ACVR2A: variants seen among roughly 807,000 people sequenced by gnomAD.
ACVR2A encodes the protein activin A receptor type 2A.
ACVR2A carries 7 observed loss-of-function variants against 61.4 expected under a neutral mutation model. The observed-to-expected ratio is 0.11, with a 90% CI of 0.06 to 0.21. The LOEUF (loss-of-function observed/expected upper bound fraction) is 0.21. ACVR2A is among the 10% of genes least tolerant of loss of function. The probability of loss-of-function intolerance (pLI) is 1.00; values close to 1 mark genes in which losing one functional copy is unlikely to be tolerated. For missense variants in ACVR2A, 322 were observed against 621.7 expected, an observed-to-expected ratio of 0.52 and a Z score of 5.13; for synonymous variants, 193 against 208.3, an observed-to-expected ratio of 0.93 and a Z score of 0.63.
intron 1 of ACVR2A, among the ~76,000 whole-genome samples, chr2:147,885,881 A>T (rs1327739816): frequency 6.6e-6 from 1 of 152,164 alleles, no homozygotes; most frequent in Admixed American, 6.5e-5. Context: ...TATATTTCAA[A>T]TTGGTAAAAA....
intron 2 of ACVR2A, 138 bp downstream of exon 2, chr2:147,896,646 T>G (rs1382408470): frequency 2.4e-5 from 17 of 711,434 alleles, no homozygotes; most frequent in Non-Finnish European, 4.0e-5. Flanking sequence ...TAAAGAACAT[T>G]ATAACATGCT....
chr2:147,920,665 A>G (rs940758320), intron 8 of ACVR2A, among the ~76,000 whole-genome samples: 1 of 152,196 alleles, frequency 6.6e-6, no homozygotes, highest in African/African-American at 2.4e-5. Flanking sequence ...TTAGTCTGTT[A>G]GTTCTTTCAC....
chr2:147,917,251 G>A, intron 5 of ACVR2A, 32 bp from the exon 6 acceptor site: 1 of 1,602,622 alleles, frequency 6.2e-7, no homozygotes, highest in South Asian at 1.1e-5. Flanking sequence ...TGTATTCCTT[G>A]TGTTCTTACT....
At chr2:147,886,163 A>G (rs1358927456) in intron 1 of ACVR2A, among the ~76,000 whole-genome samples, 1 of 152,162 alleles carries the variant, frequency 6.6e-6, no homozygotes. Context: ...AAAAAACTAT[A>G]CTGTAAGATG....
intron 8 of ACVR2A, among the ~76,000 whole-genome samples, chr2:147,922,552 T>C (rs998909639): frequency 1.3e-5 from 2 of 152,138 alleles, no homozygotes; most frequent in Non-Finnish European, 2.9e-5. Flanking sequence ...TTTGTACAGA[T>C]AGAACTTTTT....
In ACVR2A at chr2:147,928,881, G is replaced by A. The variant is rs559722189; in HGVS notation, c.*1607G>A. 3 of 152,346 alleles carry A rather than the reference G, an allele frequency of 2.0e-5. No individual in the cohort carries two copies. The highest frequency in any genetic ancestry group is 4.4e-5 in the Non-Finnish European group (3 of 67,932). The allele number at this position is 152,346 out of a possible 1,614,324, so 9.4% of individuals were successfully genotyped here. On this transcript the variant is annotated 3_prime_UTR_variant, in exon 11 of 11. Coordinates refer to ENST00000241416, the MANE Select transcript of ACVR2A (RefSeq NM_001616.5). ...CAACAAATAGCCAGTATTATGCTGT[G>A]TATTTCTGTCAGGTCATTTTAAAAT...
chr2:147,889,702 G>T (rs1441490542), intron 1 of ACVR2A, among the ~76,000 whole-genome samples: 1 of 151,910 alleles, frequency 6.6e-6, no homozygotes, highest in East Asian at 1.9e-4. Context: ...AGCCGAGATC[G>T]CACCATTGCA....
intron 1 of ACVR2A, among the ~76,000 whole-genome samples, chr2:147,885,895 A>T (rs185962460): frequency 1.3e-4 from 20 of 152,216 alleles, no homozygotes; most frequent in African/African-American, 4.3e-4. Flanking sequence ...GTAAAAATTT[A>T]AAAAAAGAAC....
chr2:147,890,472 A>G (rs1686555563), intron 1 of ACVR2A, among the ~76,000 whole-genome samples: 1 of 152,038 alleles, frequency 6.6e-6, no homozygotes. Context: ...TCAGCTCCCC[A>G]TTCCCAGGAC....
Position 147,928,287 on chromosome 2 carries a change from T to C in ACVR2A, c.*1013T>C, listed in dbSNP as rs986875162. ...TTATCTTTTAAAATAGAGTTTTTTC[T>C]ATTTATATATGTAAAATTGTAGTGT... On this transcript the variant is annotated 3_prime_UTR_variant, in exon 11 of 11. Transcript: ENST00000241416. The C allele has an allele frequency of 6.6e-6, 1 of 152,400 alleles. No individual in the cohort carries two copies. The highest frequency in any genetic ancestry group is 2.4e-5 in the African/African-American group (1 of 41,412). 9.4% of individuals were successfully genotyped at this position (152,400 alleles called of 1,614,324 possible).
At chr2:147,872,083 G>A (rs978825993) in intron 1 of ACVR2A, among the ~76,000 whole-genome samples, 5 of 151,880 alleles carry the variant, frequency 3.3e-5, no homozygotes, top group African/African-American at 1.2e-4. Context: ...AGTTAGCATT[G>A]AAAATATGGA....
At chr2:147,851,414 C>T (rs1407967853) in intron 1 of ACVR2A, among the ~76,000 whole-genome samples, 1 of 152,088 alleles carries the variant, frequency 6.6e-6, no homozygotes, top group Non-Finnish European at 1.5e-5. Context: ...TTAATAGTGC[C>T]TACCTCAGAG....
chr2:147,921,555 A>G (rs1687382745), intron 8 of ACVR2A, among the ~76,000 whole-genome samples: 1 of 152,156 alleles, frequency 6.6e-6, no homozygotes, highest in Non-Finnish European at 1.5e-5. Context: ...AGTATTGACT[A>G]ACTATTTAAG....
chr2:147,851,607 T>C (rs539078960), intron 1 of ACVR2A, among the ~76,000 whole-genome samples: 1 of 152,148 alleles, frequency 6.6e-6, no homozygotes, highest in Non-Finnish European at 1.5e-5. Context: ...TTTTTGGTTT[T>C]AAGACTGAGA....
chr2:147,923,244 C>G, intron 9 of ACVR2A, 133 bp downstream of exon 9: 1 of 1,002,952 alleles, frequency 1.0e-6, no homozygotes, highest in Non-Finnish European at 1.4e-6. Context: ...GTAGAGAATT[C>G]AGGAGGCAGG....
chr2:147,929,005 C>G lies in ACVR2A; in HGVS notation c.*1731C>G, dbSNP rs550262404. ...GGTTATTTAACCACACAGTACACTA[C>G]ATTTTACATATATGTACGTAATCTC... On this transcript the variant is annotated 3_prime_UTR_variant, in exon 11 of 11. Transcript: ENST00000241416. The G allele has an allele frequency of 6.6e-6, 1 of 152,506 alleles. No individual in the cohort carries two copies. Among genetic ancestry groups the G allele is most frequent in the South Asian group, 2.1e-4 (1 of 4,820 alleles). The allele number at this position is 152,506 out of a possible 1,614,324, so 9.4% of individuals were successfully genotyped here.
At chr2:147,923,141 T>A in intron 9 of ACVR2A, 30 bp downstream of exon 9, 3 of 1,591,806 alleles carry the variant, frequency 1.9e-6, no homozygotes, top group Non-Finnish European at 2.6e-6. Context: ...TTAAAAAAGA[T>A]ATATATGCCT....
intron 1 of ACVR2A, among the ~76,000 whole-genome samples, chr2:147,878,155 C>A (rs1686205380): frequency 6.6e-6 from 1 of 152,094 alleles, no homozygotes; most frequent in Admixed American, 6.6e-5. Flanking sequence ...TATAGCAAGA[C>A]TATAAAAGTG....
chr2:147,930,028 G>GT lies in ACVR2A; in HGVS notation c.*2761dup, dbSNP rs926021412. ...CTTGTATGTATTTTAGATGCTAGAA[G>GT]TTTTTTTAGCATGTGATGTGTGATT... On this transcript the variant is annotated 3_prime_UTR_variant, in exon 11 of 11. Transcript: ENST00000241416. 9.2e-5 allele frequency: 14 copies of GT among 152,446 alleles called. No homozygotes were observed. The highest frequency in any genetic ancestry group is 3.1e-4 in the African/African-American group (13 of 41,410). 9.4% of individuals were successfully genotyped at this position (152,446 alleles called of 1,614,324 possible). A position where few individuals can be genotyped will look rare whatever the true frequency, so the allele number is the denominator to read the frequency against.
Sources: gnomAD v4.1 joint callset for allele counts (sites outside exome capture counted in the v4.1 genomes callset) on GRCh38, gnomAD v4.1.1 for gene constraint, MANE v1.5 for transcripts, NCBI Gene and HGNC (gene_info 2026-07-23, HGNC 2026-07-21) for gene names.